SNX14: variants seen among roughly 807,000 people sequenced by gnomAD.
SNX14 encodes sorting nexin 14, also known as sorting nexin-14.
In SNX14, 93 loss-of-function variants were observed where a neutral mutation model predicts 133.8. The ratio of observed to expected loss-of-function variants is 0.70; its 90% CI spans 0.59 to 0.83. The LOEUF (loss-of-function observed/expected upper bound fraction) is 0.83. Among genes scored for constraint, SNX14 ranks in the 40% least tolerant of loss-of-function variants. The pLI is 0.00. For synonymous variants in SNX14, 368 were observed against 365.6 expected (o/e 1.01, Z -0.07); for missense variants, 945 against 1,094.9 (o/e 0.86, Z 1.93).
intron 26 of SNX14, among the ~76,000 whole-genome samples, chr6:85,512,360 G>A (rs935554679): frequency 9.2e-5 from 14 of 152,220 alleles, no homozygotes; most frequent in East Asian, 1.9e-4. Context: ...GGTGGCTCAC[G>A]CCTGTAACCC....
In SNX14 at chr6:85,514,554, T is replaced by C; in HGVS notation, c.2344A>G (p.Met782Val). 6 of 1,613,522 alleles carry C rather than the reference T, an allele frequency of 3.7e-6. No homozygotes were observed. Among genetic ancestry groups the C allele is most frequent in the East Asian group, 2.2e-5 (1 of 44,754 alleles). Reference protein sequence around the residue: ...TERKQNQNYFMEVMTVEGVYD... With the variant: ...TERKQNQNYFVEVMTVEGVYD... Reference sequence around the variant, plus strand: ...ACTCCTTCTACAGTCATCACCTCCATAAAATAATTCTGATTTTGCTTTCTC... The same window carrying C: ...ACTCCTTCTACAGTCATCACCTCCACAAAATAATTCTGATTTTGCTTTCTC... Residue 782 changes from methionine (M) to valine (V), a missense_variant, in exon 24 of 29, where the codon ATG (methionine) becomes GTG (valine). By Grantham distance (21) the Met-to-Val change is conservative. Transcript: ENST00000314673.
chr6:85,547,376 C>A lies in SNX14; in HGVS notation c.934G>T (p.Ala312Ser), dbSNP rs1055070938. 1 of 1,613,532 alleles carries A rather than the reference C, an allele frequency of 6.2e-7. No homozygotes were observed. The highest frequency in any genetic ancestry group is 8.5e-7 in the Non-Finnish European group (1 of 1,179,926). ...TGCAAGAATGGAACCAAAGGAGAAG[C>A]CGGTTCAGTTGCTTTTTCAGGCTTT... Reference protein sequence around the residue: ...DSPPEKATEPASPLVPFLQKF... With the variant: ...DSPPEKATEPSSPLVPFLQKF... The change falls in exon 11 of 29, where the codon GCT becomes TCT. Residue 312 changes from alanine (A) to serine (S), a missense_variant. Coordinates refer to ENST00000314673, the MANE Select transcript of SNX14 (RefSeq NM_153816.6).
chr6:85,530,089 T>G lies in SNX14; in HGVS notation c.1894+103A>C, dbSNP rs972436983. Reference sequence around the variant, plus strand: ...TATACACAAGCATCAATGTTGTATTTCTTGTATTTCAATTACTTAAAATAA... The same window carrying G: ...TATACACAAGCATCAATGTTGTATTGCTTGTATTTCAATTACTTAAAATAA... On this transcript the variant is annotated intron_variant, in intron 19 of 28. Coordinates refer to ENST00000314673, the MANE Select transcript of SNX14 (RefSeq NM_153816.6). 2.2e-5 allele frequency: 14 copies of G among 646,920 alleles called. No individual in the cohort carries two copies. The African/African-American group carries it at 2.3e-4, about 11-fold the overall frequency. The allele number at this position is 646,920 out of a possible 1,614,324, so 40.1% of individuals were successfully genotyped here.
chr6:85,541,239 C>A (rs563952774), intron 15 of SNX14, among the ~76,000 whole-genome samples: 1 of 152,134 alleles, frequency 6.6e-6, no homozygotes. Context: ...GTGATCCCCA[C>A]GTCTCGGCCT....
Position 85,567,543 on chromosome 6 carries a change from G to T in SNX14, c.452C>A (p.Pro151Gln). 2 of 1,500,274 alleles carry T rather than the reference G, an allele frequency of 1.3e-6. No individual in the cohort carries two copies. Among genetic ancestry groups the T allele is most frequent in the South Asian group, 2.7e-5 (2 of 73,892 alleles). The allele number at this position is 1,500,274 out of a possible 1,614,324, so 92.9% of individuals were successfully genotyped here. The change falls in exon 5 of 29, where the codon CCG (proline) becomes CAG (glutamine). Residue 151 changes from proline (P) to glutamine (Q), a missense_variant. Coordinates refer to ENST00000314673, the MANE Select transcript of SNX14 (RefSeq NM_153816.6). The stretch of plus-strand genomic sequence containing the variant: ...TATAGAAAGAACATACCTGTACCAC[G>T]GATAAACAAAGTTTTCCAACACTAA... ...LELVLENFVY[P>Q]WYRDVTDDES... is the part of the protein sequence containing the mutation.
At chr6:85,537,073 G>T in intron 16 of SNX14, 149 bp from the exon 17 acceptor site, 1 of 677,912 alleles carries the variant, frequency 1.5e-6, no homozygotes, top group Non-Finnish European at 2.2e-6. Flanking sequence ...TTTCATACAC[G>T]GATTAAGTAT....
At chr6:85,515,678 T>G (rs1331895771) in intron 23 of SNX14, among the ~76,000 whole-genome samples, 1 of 152,130 alleles carries the variant, frequency 6.6e-6, no homozygotes, top group Non-Finnish European at 1.5e-5. Context: ...GACACATACT[T>G]AAAACATTTT....
At chr6:85,559,823 T>C (rs1194683278) in intron 6 of SNX14, among the ~76,000 whole-genome samples, 1 of 152,142 alleles carries the variant, frequency 6.6e-6, no homozygotes, top group African/African-American at 2.4e-5. Context: ...CCAGTTAAAA[T>C]GCAGGTAAGG....
At chr6:85,558,146 A>G (rs927129110) in intron 6 of SNX14, 86 bp from the exon 7 acceptor site, 3 of 692,200 alleles carry the variant, frequency 4.3e-6, no homozygotes, top group Non-Finnish European at 7.5e-6. Flanking sequence ...ATTGGAATAT[A>G]TCTTAAAAAT....
chr6:85,547,030 C>T, intron 12 of SNX14, 82 bp downstream of exon 12: 1 of 943,984 alleles, frequency 1.1e-6, no homozygotes, highest in Non-Finnish European at 1.6e-6. Flanking sequence ...ATGGGTACCA[C>T]AACATCAGAT....
At chr6:85,532,417 C>T (rs189271424) in intron 18 of SNX14, among the ~76,000 whole-genome samples, 26 of 152,324 alleles carry the variant, frequency 1.7e-4, no homozygotes, top group South Asian at 1.7e-3. Context: ...ATTCTTCCCT[C>T]CCAATTCCTA....
intron 19 of SNX14, among the ~76,000 whole-genome samples, chr6:85,529,182 C>T (rs893293327): frequency 6.6e-6 from 1 of 151,968 alleles, no homozygotes; most frequent in Admixed American, 6.6e-5. Context: ...ATCACTTGAA[C>T]CCAGGAGGCA....
intron 6 of SNX14, among the ~76,000 whole-genome samples, chr6:85,559,241 T>TATA (rs1790763888): frequency 6.6e-6 from 1 of 152,198 alleles, no homozygotes; most frequent in South Asian, 2.1e-4. Flanking sequence ...TTGCTAGTAT[T>TATA]ATACCTCATT....
chr6:85,547,440 T>C (rs1277196981), intron 10 of SNX14, 43 bp from the exon 11 acceptor site: 4 of 1,606,656 alleles, frequency 2.5e-6, no homozygotes, highest in Middle Eastern at 1.7e-4. Flanking sequence ...AATTCCCACT[T>C]GATTTGACAT....
intron 7 of SNX14, among the ~76,000 whole-genome samples, chr6:85,553,779 C>A (rs893525591): frequency 1.6e-5 from 2 of 124,406 alleles, no homozygotes; most frequent in Non-Finnish European, 3.6e-5. Flanking sequence ...GAGCAAGACT[C>A]CGTCTCCAAA....
intron 7 of SNX14, among the ~76,000 whole-genome samples, chr6:85,555,083 A>C (rs1364319968): frequency 3.3e-5 from 5 of 152,146 alleles, no homozygotes; most frequent in Non-Finnish European, 7.4e-5. Flanking sequence ...CAGCCTTCCG[A>C]AGTGCTGGGA....
rs147550639 is a variant in SNX14 at position 85,507,977 on chromosome 6, G to A, written c.2736C>T (p.Leu912=). ...CTTTAATGAGCTTTACCTGCTTGTT[G>A]AGTACTGGTTGCTGTAAGCCATCAA... is the stretch of plus-strand genomic sequence containing the variant. ...LLFDGLQQPV[L]NKQLTYVLLD... is the part of the protein sequence containing the mutation. The change falls in exon 27 of 29, where the codon CTC becomes CTT. Residue 912 remains leucine, a synonymous_variant. Transcript: ENST00000314673. 4 of 1,613,012 alleles carry A rather than the reference G, an allele frequency of 2.5e-6. No individual in the cohort carries two copies. In the African/African-American group the frequency reaches 5.3e-5, roughly 22 times the overall value.
intron 10 of SNX14, 24 bp from the exon 11 acceptor site, chr6:85,547,421 A>G (rs1786043350): frequency 6.2e-7 from 1 of 1,609,840 alleles, no homozygotes; most frequent in Non-Finnish European, 8.5e-7. Flanking sequence ...AGAATTATTA[A>G]CTCAGTAAAA....
At chr6:85,508,941 C>T (rs1272911677) in intron 26 of SNX14, among the ~76,000 whole-genome samples, 1 of 152,148 alleles carries the variant, frequency 6.6e-6, no homozygotes, top group African/African-American at 2.4e-5. Flanking sequence ...GAGACAAAGC[C>T]AAATTTAATT....
Sources: allele counts gnomAD v4.1 joint callset (sites outside exome capture counted in the v4.1 genomes callset), GRCh38; gene constraint gnomAD v4.1.1; transcripts MANE v1.5; gene names NCBI Gene and HGNC (gene_info 2026-07-23, HGNC 2026-07-21).